SLC9A9: variants seen among roughly 807,000 people sequenced by gnomAD.
The protein encoded by SLC9A9 is solute carrier family 9 member A9.
A neutral mutation model predicts 77.8 loss-of-function variants in SLC9A9; 62 were observed. The ratio of observed to expected loss-of-function variants is 0.80; its 90% CI spans 0.65 to 0.98. The LOEUF is 0.98. Among genes scored for constraint, SLC9A9 ranks in the 50% least tolerant of loss-of-function variants. The probability of loss-of-function intolerance (pLI) is 0.00; values close to 1 mark genes in which losing one functional copy is unlikely to be tolerated. For missense variants in SLC9A9, 775 were observed against 774.9 expected, an observed-to-expected ratio of 1.00 and a Z score of 0.00; for synonymous variants, 320 against 283.5, an observed-to-expected ratio of 1.13 and a Z score of -1.29.
chr3:143,626,875 C>T (rs1235197263), intron 6 of SLC9A9: 1 of 103,656 alleles, frequency 9.6e-6, no homozygotes. Context: ...TGCACTAGCT[C>T]CTTTTTTTTT....
intron 14 of SLC9A9, among the ~76,000 whole-genome samples, chr3:143,317,847 C>T (rs910695777): frequency 2.0e-5 from 3 of 152,172 alleles, no homozygotes; most frequent in African/African-American, 7.2e-5. Context: ...CCTGCTTCAG[C>T]CTCCCGAGTA....
At chr3:143,391,971 C>A (rs929728312) in intron 12 of SLC9A9, among the ~76,000 whole-genome samples, 1 of 152,160 alleles carries the variant, frequency 6.6e-6, no homozygotes, top group South Asian at 2.1e-4. Context: ...AAATCTACAT[C>A]TGATTGGTGT....
chr3:143,339,421 C>T (rs1026359904), intron 14 of SLC9A9, among the ~76,000 whole-genome samples: 9 of 152,166 alleles, frequency 5.9e-5, no homozygotes, highest in Non-Finnish European at 8.8e-5. Context: ...CTTACCTACC[C>T]AGCTCAAGCC....
intron 6 of SLC9A9, among the ~76,000 whole-genome samples, chr3:143,589,438 AT>A (rs996289703): frequency 3.3e-5 from 5 of 152,148 alleles, no homozygotes; most frequent in Non-Finnish European, 5.9e-5. Flanking sequence ...ACAATACGGT[AT>A]TTTTTTAATG....
intron 13 of SLC9A9, among the ~76,000 whole-genome samples, chr3:143,379,811 G>A (rs2033263239): frequency 1.3e-5 from 2 of 152,126 alleles, no homozygotes; most frequent in African/African-American, 4.8e-5. Context: ...ACTACAGTAA[G>A]TCTATAAGGC....
chr3:143,585,414 G>T (rs140180560), intron 6 of SLC9A9, among the ~76,000 whole-genome samples: 3 of 152,228 alleles, frequency 2.0e-5, no homozygotes, highest in East Asian at 3.9e-4. Context: ...GCAACCTTTT[G>T]TCTCTTACCT....
intron 6 of SLC9A9, among the ~76,000 whole-genome samples, chr3:143,597,884 T>A (rs1229166776): frequency 6.6e-6 from 1 of 152,202 alleles, no homozygotes; most frequent in Non-Finnish European, 1.5e-5. Context: ...ATTCTAATCA[T>A]CACTGTCAAC....
At chr3:143,664,560 T>C (rs1576643798) in intron 5 of SLC9A9, among the ~76,000 whole-genome samples, 1 of 152,236 alleles carries the variant, frequency 6.6e-6, no homozygotes, top group East Asian at 1.9e-4. Flanking sequence ...TCAAGACCCA[T>C]CAGTGTGCTG....
intron 8 of SLC9A9, among the ~76,000 whole-genome samples, chr3:143,573,736 C>G (rs929203638): frequency 6.6e-6 from 1 of 152,080 alleles, no homozygotes; most frequent in South Asian, 2.1e-4. Context: ...AAGCCACCAC[C>G]CTTCTCTACA....
Position 143,832,007 on chromosome 3 carries a change from C to G in SLC9A9, c.378+12G>C. The G allele has an allele frequency of 6.2e-7, 1 of 1,606,332 alleles. No homozygotes were observed. Among genetic ancestry groups the G allele is most frequent in the East Asian group, 2.2e-5 (1 of 44,720 alleles). On this transcript the variant is annotated intron_variant, in intron 2 of 15. Coordinates refer to ENST00000316549, the MANE Select transcript of SLC9A9 (RefSeq NM_173653.4). ...TGTAAAACAAATATATAATACCAGA[C>G]AGGATCCTTACCTTTTCAAGTATAG... is the stretch of plus-strand genomic sequence containing the variant.
At chr3:143,768,766 TG>T (rs917617159) in intron 4 of SLC9A9, among the ~76,000 whole-genome samples, 4 of 152,322 alleles carry the variant, frequency 2.6e-5, no homozygotes, top group African/African-American at 7.2e-5. Flanking sequence ...TGGGATTTCT[TG>T]GGAAAGTTTC....
At chr3:143,388,428 C>T (rs1026855024) in intron 12 of SLC9A9, among the ~76,000 whole-genome samples, 1 of 152,180 alleles carries the variant, frequency 6.6e-6, no homozygotes, top group Non-Finnish European at 1.5e-5. Flanking sequence ...AATTTCACTT[C>T]CATTATTTGC....
chr3:143,765,826 A>G (rs145680301), intron 4 of SLC9A9, among the ~76,000 whole-genome samples: 54 of 152,314 alleles, frequency 3.5e-4, no homozygotes, highest in Non-Finnish European at 6.6e-4. Context: ...AGCCTCAGGC[A>G]TGTAGCCTGC....
chr3:143,726,853 A>G (rs1283717895), intron 4 of SLC9A9, among the ~76,000 whole-genome samples: 1 of 152,170 alleles, frequency 6.6e-6, no homozygotes, highest in African/African-American at 2.4e-5. Flanking sequence ...TCTTTCCTTA[A>G]TTCTCAAGCA....
intron 9 of SLC9A9, among the ~76,000 whole-genome samples, chr3:143,549,489 T>G (rs1435652630): frequency 6.6e-6 from 1 of 152,138 alleles, no homozygotes; most frequent in Non-Finnish European, 1.5e-5. Flanking sequence ...TTTATTAAGC[T>G]TCTGCTATGA....
intron 12 of SLC9A9, among the ~76,000 whole-genome samples, chr3:143,424,253 G>A (rs1485014803): frequency 6.8e-6 from 1 of 147,640 alleles, no homozygotes; most frequent in Non-Finnish European, 1.5e-5. Flanking sequence ...AAGAAAAAAA[G>A]GACATTATAC....
At position 143,574,206 on chromosome 3, in the gene SLC9A9, A is replaced by C. The variant is rs963322302; in HGVS notation, c.895-13T>G. 6.2e-7 allele frequency: 1 copy of C among 1,603,866 alleles called. No homozygotes were observed. Among genetic ancestry groups the C allele is most frequent in the Non-Finnish European group, 8.5e-7 (1 of 1,171,636 alleles). On this transcript the variant is annotated splice_polypyrimidine_tract_variant and intron_variant, in intron 7 of 15. Coordinates refer to ENST00000316549, the MANE Select transcript of SLC9A9 (RefSeq NM_173653.4). Reference sequence around the variant, plus strand: ...TAAATTTGGTCAAGTGAGGAAGATAAGTTAAGGGAAACAACAACAGCTTTT... The same window carrying C: ...TAAATTTGGTCAAGTGAGGAAGATACGTTAAGGGAAACAACAACAGCTTTT...
At chr3:143,689,708 C>T (rs529795319) in intron 5 of SLC9A9, among the ~76,000 whole-genome samples, 1 of 152,008 alleles carries the variant, frequency 6.6e-6, no homozygotes, top group East Asian at 1.9e-4. Flanking sequence ...CTGTTCCCAG[C>T]TGAGAAAGAT....
chr3:143,493,563 CA>C (rs1014862351), intron 11 of SLC9A9, 89 bp downstream of exon 11: 220 of 1,206,218 alleles, frequency 1.8e-4, no homozygotes, highest in Non-Finnish European at 1.8e-4. Context: ...GTTGTTTCCC[CA>C]AAAGGGTTCT....
Sources: gnomAD v4.1 joint callset for allele counts (sites outside exome capture counted in the v4.1 genomes callset) on GRCh38, gnomAD v4.1.1 for gene constraint, MANE v1.5 for transcripts, NCBI Gene and HGNC (gene_info 2026-07-23, HGNC 2026-07-21) for gene names.